Variants in PITPNC1 observed in about 807,000 individuals in gnomAD.
PITPNC1 encodes the protein phosphatidylinositol transfer protein cytoplasmic 1.
Under a neutral mutation model 44.7 loss-of-function variants are expected in PITPNC1, and 18 were observed. That is an observed-to-expected ratio of 0.40 (90% CI 0.28 to 0.60). The LOEUF (loss-of-function observed/expected upper bound fraction) is 0.60, where lower values mean the gene tolerates loss of function less well. PITPNC1 is among the 20% of genes least tolerant of loss of function. The pLI is 0.39. For synonymous variants in PITPNC1, 141 were observed against 149.6 expected (o/e 0.94, Z 0.42); for missense variants, 290 against 418.4 (o/e 0.69, Z 2.68).
chr17:67,619,057 T>G (rs745347226), intron 5 of PITPNC1, among the ~76,000 whole-genome samples: 1 of 151,686 alleles, frequency 6.6e-6, no homozygotes, highest in Non-Finnish European at 1.5e-5. Flanking sequence ...AGACTCTGTC[T>G]CAAAAAAATA....
At position 67,642,879 on chromosome 17, in the gene PITPNC1, T is replaced by A. The variant is rs1056442091; in HGVS notation, c.462+10641T>A. Reference sequence around the variant, plus strand: ...ATTTTTCAAGGGGAAAAAAACCATTTAAACTGCTGCAGTAATTGGCATGAA... The same window carrying A: ...ATTTTTCAAGGGGAAAAAAACCATTAAAACTGCTGCAGTAATTGGCATGAA... On this transcript the variant is annotated intron_variant, in intron 6 of 8. Transcript: ENST00000581322. Among the ~76,000 whole-genome samples, 14 of 152,258 alleles carry A rather than the reference T, an allele frequency of 9.2e-5. No homozygotes were observed. In the East Asian group the frequency reaches 2.7e-3, roughly 29 times the overall value.
chr17:67,669,984 A>G (rs2042485222), intron 7 of PITPNC1, among the ~76,000 whole-genome samples: 1 of 151,962 alleles, frequency 6.6e-6, no homozygotes, highest in Admixed American at 6.6e-5. Flanking sequence ...GAGGCAGGAG[A>G]ATTACTTGAA....
intron 1 of PITPNC1, among the ~76,000 whole-genome samples, chr17:67,403,467 A>T (rs769865773): frequency 5.3e-5 from 8 of 152,238 alleles, no homozygotes; most frequent in Non-Finnish European, 7.3e-5. Flanking sequence ...TTTTTAGTGT[A>T]TAAACATTTA....
intron 1 of PITPNC1, among the ~76,000 whole-genome samples, chr17:67,445,946 A>AT (rs140499065): frequency 0.038 from 5,675 of 150,610 alleles, 198 homozygotes; most frequent in Non-Finnish European, 0.061. Flanking sequence ...TTTTTTTTGT[A>AT]TTTTTTTTGG....
chr17:67,663,434 G>A (rs184395658), intron 6 of PITPNC1, among the ~76,000 whole-genome samples: 1 of 152,232 alleles, frequency 6.6e-6, no homozygotes, highest in East Asian at 1.9e-4. Flanking sequence ...GCCGGGCATG[G>A]TGGCAGGTGC....
chr17:67,627,239 G>A (rs2041907330), intron 5 of PITPNC1, among the ~76,000 whole-genome samples: 1 of 152,208 alleles, frequency 6.6e-6, no homozygotes, highest in African/African-American at 2.4e-5. Flanking sequence ...GGGGACAAGA[G>A]TGAGACTTCA....
At chr17:67,682,426 G>C (rs182719202) in intron 8 of PITPNC1, among the ~76,000 whole-genome samples, 1 of 152,160 alleles carries the variant, frequency 6.6e-6, no homozygotes, top group African/African-American at 2.4e-5. Flanking sequence ...CACTGGCAGA[G>C]GAGAACGTTC....
At chr17:67,640,685 GAAAA>G (rs71139165) in intron 6 of PITPNC1, among the ~76,000 whole-genome samples, 1 of 100,216 alleles carries the variant, frequency 1.0e-5, no homozygotes, top group African/African-American at 3.9e-5. Context: ...TGTTGAAAAA[GAAAA>G]AAAAAAAAAA....
At chr17:67,421,682 A>G (rs548938740) in intron 1 of PITPNC1, among the ~76,000 whole-genome samples, 1 of 152,346 alleles carries the variant, frequency 6.6e-6, no homozygotes, top group African/African-American at 2.4e-5. Context: ...CCCTCACCCC[A>G]GTTATGGCTG....
intron 1 of PITPNC1, among the ~76,000 whole-genome samples, chr17:67,412,754 C>T (rs962328667): frequency 6.6e-6 from 1 of 151,960 alleles, no homozygotes; most frequent in Non-Finnish European, 1.5e-5. Context: ...TTATTAGAGG[C>T]GGGGTTTCTC....
chr17:67,554,142 G>A (rs115025959), intron 4 of PITPNC1, among the ~76,000 whole-genome samples: 1,713 of 150,948 alleles, frequency 0.011, 33 homozygotes, highest in African/African-American at 0.04. Flanking sequence ...TACTTAGACT[G>A]AAAGAAAAAA....
In PITPNC1 at chr17:67,675,494, C is replaced by T; in HGVS notation, c.634C>T (p.Leu212=). 1 of 1,609,696 alleles carries T rather than the reference C, an allele frequency of 6.2e-7. No individual in the cohort carries two copies. The highest frequency in any genetic ancestry group is 8.5e-7 in the Non-Finnish European group (1 of 1,175,958). The change falls in exon 8 of 9, where the codon CTG becomes TTG. Residue 212 remains leucine, a synonymous_variant. Coordinates refer to ENST00000581322, the MANE Select transcript of PITPNC1 (RefSeq NM_012417.4). ...TACTTTTTAGGTGGTCCGAGACATT[C>T]TGCTGATTGGACATAGACAGGCTTT... ...QFVHKVVRDI[L]LIGHRQAFAW...
At chr17:67,447,841 GCTAT>G (rs1260179739) in intron 1 of PITPNC1, among the ~76,000 whole-genome samples, 1 of 147,362 alleles carries the variant, frequency 6.8e-6, no homozygotes, top group Non-Finnish European at 1.5e-5. Context: ...TGGGATCCCA[GCTAT>G]CTCTTTCTTT....
chr17:67,533,231 G>A (rs1487771687), intron 2 of PITPNC1, among the ~76,000 whole-genome samples: 2 of 152,164 alleles, frequency 1.3e-5, no homozygotes, highest in East Asian at 1.9e-4. Flanking sequence ...CTGCACTCCA[G>A]CCTGGGGTGA....
chr17:67,667,430 G>A (rs943737750), intron 6 of PITPNC1, among the ~76,000 whole-genome samples: 2 of 148,802 alleles, frequency 1.3e-5, no homozygotes, highest in Non-Finnish European at 3.0e-5. Flanking sequence ...TTGGGAGGCT[G>A]AGGCAGGAGG....
Position 67,378,060 on chromosome 17 carries a change from G to A in PITPNC1, c.-95G>A. The A allele has an allele frequency of 5.6e-6, 4 of 712,226 alleles. No homozygotes were observed. The highest frequency in any genetic ancestry group is 8.5e-5 in the Admixed American group (2 of 23,394). The allele number at this position is 712,226 out of a possible 1,614,324, so 44.1% of individuals were successfully genotyped here. On this transcript the variant is annotated 5_prime_UTR_variant, in exon 1 of 9. Coordinates refer to ENST00000581322, the MANE Select transcript of PITPNC1 (RefSeq NM_012417.4). ...TTCGCCCTCCGGCTCCGAGCGCCGG[G>A]CTCCGGGCGCCCTGCCCTGCGCCTG...
intron 1 of PITPNC1, among the ~76,000 whole-genome samples, chr17:67,497,716 C>G (rs1008794976): frequency 6.6e-6 from 1 of 151,538 alleles, no homozygotes; most frequent in Non-Finnish European, 1.5e-5. Context: ...TTTGTAGAGA[C>G]ATGGTTTCGC....
chr17:67,579,854 T>C (rs944954613), intron 5 of PITPNC1, among the ~76,000 whole-genome samples: 3 of 151,482 alleles, frequency 2.0e-5, no homozygotes, highest in African/African-American at 7.3e-5. Flanking sequence ...GCAGGAGAAT[T>C]ACTTGAGCCT....
chr17:67,552,099 C>G (rs1205000885), intron 2 of PITPNC1, among the ~76,000 whole-genome samples, 158 bp from the exon 3 acceptor site: 1 of 152,166 alleles, frequency 6.6e-6, no homozygotes, highest in Non-Finnish European at 1.5e-5. Flanking sequence ...AAAAAGTTAA[C>G]TATGACAAAG....
Sources: allele counts gnomAD v4.1 joint callset (sites outside exome capture counted in the v4.1 genomes callset), GRCh38; gene constraint gnomAD v4.1.1; transcripts MANE v1.5; gene names NCBI Gene and HGNC (gene_info 2026-07-23, HGNC 2026-07-21).